NSUN6: variants seen among roughly 807,000 people sequenced by gnomAD.
NSUN6 encodes NOP2/Sun RNA methyltransferase 6.
A neutral mutation model predicts 58.0 loss-of-function variants in NSUN6; 64 were observed. That is an observed-to-expected ratio of 1.10 (90% CI 0.90 to 1.36). NSUN6 has a LOEUF of 1.36. Ranked by LOEUF, NSUN6 falls within the 40% of genes most tolerant of loss-of-function variation. The pLI, the probability that NSUN6 is intolerant of heterozygous loss-of-function variation, is 0.00. For missense variants in NSUN6, 701 were observed against 550.1 expected, an observed-to-expected ratio of 1.27 and a Z score of -2.74; for synonymous variants, 231 against 193.9, an observed-to-expected ratio of 1.19 and a Z score of -1.59.
intron 8 of NSUN6, among the ~76,000 whole-genome samples, chr10:18,578,090 C>T (rs1014131341): frequency 2.6e-5 from 4 of 152,160 alleles, no homozygotes; most frequent in Admixed American, 6.5e-5. Context: ...TCTTTTGCAG[C>T]ACCAAAACCT....
chr10:18,610,419 T>C (rs541789768), intron 5 of NSUN6, among the ~76,000 whole-genome samples: 2 of 152,372 alleles, frequency 1.3e-5, no homozygotes, highest in Non-Finnish European at 2.9e-5. Context: ...TTTGAATTTT[T>C]ACCTGCAGAA....
chr10:18,651,300 A>C lies in NSUN6; in HGVS notation c.-97T>G. The C allele has an allele frequency of 7.0e-7, 1 of 1,436,312 alleles. No individual in the cohort carries two copies. The highest frequency in any genetic ancestry group is 9.1e-7 in the Non-Finnish European group (1 of 1,100,518). 89.0% of individuals were successfully genotyped at this position (1,436,312 alleles called of 1,614,324 possible). ...AATTAATAGTGACGAGTGTCTTGAC[A>C]CCAGATGCTGAGGAAAATCTTGCCG... On this transcript the variant is annotated 5_prime_UTR_variant, in exon 1 of 11. Coordinates refer to ENST00000377304, the MANE Select transcript of NSUN6 (RefSeq NM_182543.5).
intron 8 of NSUN6, among the ~76,000 whole-genome samples, chr10:18,575,761 C>T (rs1208553909): frequency 1.3e-5 from 2 of 152,194 alleles, no homozygotes; most frequent in African/African-American, 2.4e-5. Context: ...TTATGAGATG[C>T]TCTATGGATT....
At chr10:18,639,928 A>G (rs1240544280) in intron 3 of NSUN6, among the ~76,000 whole-genome samples, 1 of 152,332 alleles carries the variant, frequency 6.6e-6, no homozygotes, top group South Asian at 2.1e-4. Context: ...ATTCTGTGTC[A>G]TATCAGTTTG....
At chr10:18,553,600 G>C (rs897122432) in intron 8 of NSUN6, among the ~76,000 whole-genome samples, 1 of 150,472 alleles carries the variant, frequency 6.6e-6, no homozygotes, top group Non-Finnish European at 1.5e-5. Flanking sequence ...GAATGGAATA[G>C]GGAATGGAAT....
At chr10:18,634,141 G>A (rs544900885) in intron 3 of NSUN6, among the ~76,000 whole-genome samples, 3 of 152,112 alleles carry the variant, frequency 2.0e-5, no homozygotes, top group African/African-American at 7.2e-5. Context: ...AAAAGCAGAA[G>A]GCAGATTTTA....
upstream of NSUN6, chr10:18,652,099 A>C (rs912983373): frequency 6.1e-6 from 6 of 985,204 alleles, no homozygotes; most frequent in East Asian, 5.7e-4. Context: ...GTCTGTTAAT[A>C]TCCAATGCTC....
intron 8 of NSUN6, among the ~76,000 whole-genome samples, chr10:18,555,404 A>G (rs986970768): frequency 3.3e-5 from 5 of 151,222 alleles, no homozygotes; most frequent in Admixed American, 2.0e-4. Flanking sequence ...GGAGCATGGA[A>G]TGGAATGGAG....
intron 7 of NSUN6, among the ~76,000 whole-genome samples, chr10:18,591,865 C>A (rs900968805): frequency 2.0e-5 from 3 of 152,084 alleles, no homozygotes; most frequent in African/African-American, 7.2e-5. Flanking sequence ...AAGCTCTGGC[C>A]AGGCTAATCA....
chr10:18,646,125 G>A (rs2059539292), intron 2 of NSUN6, among the ~76,000 whole-genome samples: 1 of 152,092 alleles, frequency 6.6e-6, no homozygotes, highest in African/African-American at 2.4e-5. Flanking sequence ...AACCTGGGAG[G>A]CAGAGGTTGC....
chr10:18,620,189 G>A (rs371682685), intron 3 of NSUN6, among the ~76,000 whole-genome samples: 74 of 151,698 alleles, frequency 4.9e-4, no homozygotes, highest in African/African-American at 1.3e-3. Flanking sequence ...CCGGGTTCAC[G>A]CCATTCTCCT....
At chr10:18,607,746 T>A (rs1350246385) in intron 6 of NSUN6, among the ~76,000 whole-genome samples, 1 of 152,232 alleles carries the variant, frequency 6.6e-6, no homozygotes, top group South Asian at 2.1e-4. Context: ...GGGCCAAGAA[T>A]ACAGGCTTGA....
At position 18,651,565 on chromosome 10, in the gene NSUN6, T is replaced by A. The variant is rs148529502; in HGVS notation, c.-362A>T. 6.7e-5 allele frequency: 67 copies of A among 999,886 alleles called. No homozygotes were observed. In the East Asian group the frequency reaches 6.8e-3, roughly 101 times the overall value. 61.9% of individuals were successfully genotyped at this position (999,886 alleles called of 1,614,324 possible). ...ATCAGTAAGCCAGGCTGACAGCAGC[T>A]CGGTCCCTTTATCTTTTCTATCAAT... is the stretch of plus-strand genomic sequence containing the variant. On this transcript the variant is annotated 5_prime_UTR_variant, in exon 1 of 11. Coordinates refer to ENST00000377304, the MANE Select transcript of NSUN6 (RefSeq NM_182543.5).
chr10:18,575,733 A>C (rs1192509382), intron 8 of NSUN6, among the ~76,000 whole-genome samples: 1 of 152,180 alleles, frequency 6.6e-6, no homozygotes, highest in South Asian at 2.1e-4. Context: ...CACCACGGAA[A>C]GATACTGGTC....
chr10:18,546,228 T>A, intron 10 of NSUN6, 83 bp from the exon 11 acceptor site: 3 of 984,492 alleles, frequency 3.0e-6, no homozygotes, highest in Non-Finnish European at 4.9e-6. Flanking sequence ...AAAAGACAAA[T>A]TGGGCTGTAA....
intron 3 of NSUN6, among the ~76,000 whole-genome samples, chr10:18,627,434 C>T (rs1349239710): frequency 1.3e-5 from 2 of 152,128 alleles, no homozygotes; most frequent in Admixed American, 1.3e-4. Context: ...GGAACAGCTC[C>T]GGTCTACAGC....
chr10:18,602,551 G>A (rs2057887393), intron 6 of NSUN6, among the ~76,000 whole-genome samples: 2 of 143,338 alleles, frequency 1.4e-5, no homozygotes, highest in Non-Finnish European at 3.1e-5. Context: ...TGTATTTTTA[G>A]TAGAGATGGT....
At chr10:18,560,658 GGA>G (rs2055424202) in intron 8 of NSUN6, among the ~76,000 whole-genome samples, 2 of 125,074 alleles carry the variant, frequency 1.6e-5, no homozygotes, top group Non-Finnish European at 3.4e-5. Flanking sequence ...AGAATGGAAT[GGA>G]GAATGGAGAA....
intron 8 of NSUN6, among the ~76,000 whole-genome samples, chr10:18,572,218 T>C (rs1035939603): frequency 6.8e-6 from 1 of 147,484 alleles, no homozygotes; most frequent in Non-Finnish European, 1.5e-5. Context: ...CAATTCATTG[T>C]TCACTCCATT....
Sources: allele counts gnomAD v4.1 joint callset (sites outside exome capture counted in the v4.1 genomes callset), GRCh38; gene constraint gnomAD v4.1.1; transcripts MANE v1.5; gene names NCBI Gene and HGNC (gene_info 2026-07-23, HGNC 2026-07-21).